Variants in ANTXR1 observed in about 807,000 individuals in gnomAD.
The protein encoded by ANTXR1 is ANTXR cell adhesion molecule 1.
In ANTXR1, 19 loss-of-function variants were observed where a neutral mutation model predicts 78.1. That is an observed-to-expected ratio of 0.24 (90% CI 0.17 to 0.36). ANTXR1 has a LOEUF of 0.36. ANTXR1 is among the 10% of genes least tolerant of loss of function. The pLI is 1.00. For missense variants in ANTXR1, 518 were observed against 718.6 expected (o/e 0.72, Z 3.19); for synonymous variants, 273 against 260.5 (o/e 1.05, Z -0.46).
intron 13 of ANTXR1, among the ~76,000 whole-genome samples, chr2:69,169,210 G>A (rs903180495): frequency 4.6e-5 from 7 of 152,228 alleles, no homozygotes; most frequent in Admixed American, 1.3e-4. Flanking sequence ...GGCTGTGCCC[G>A]AGCACCCAAC....
Position 69,116,316 on chromosome 2 carries a change from C to T in ANTXR1, c.803-6701C>T, listed in dbSNP as rs149449409. ...TCAGTCATCTCCATTCTCTTTGGAG[C>T]TCCAGAAAGCTCAGCCCGGATTCTT... On this transcript the variant is annotated intron_variant, in intron 10 of 17. Transcript: ENST00000303714. 7.3e-3 allele frequency among the ~76,000 whole-genome samples: 1,118 copies of T among 152,332 alleles called. 14 individuals are homozygous for T. Among genetic ancestry groups the T allele is most frequent in the African/African-American group, 0.026 (1,082 of 41,566 alleles).
At chr2:69,175,120 A>G (rs7568236) in intron 14 of ANTXR1, among the ~76,000 whole-genome samples, 9,190 of 152,232 alleles carry the variant, frequency 0.06, 923 homozygotes, top group African/African-American at 0.21. Context: ...TGGCAGTGTC[A>G]CCTGTCTCTG....
chr2:69,098,828 A>G (rs1040910516), intron 9 of ANTXR1, among the ~76,000 whole-genome samples: 4 of 152,168 alleles, frequency 2.6e-5, no homozygotes, highest in African/African-American at 9.7e-5. Context: ...TCTACTAAAA[A>G]TACAAAAATT....
chr2:69,185,369 GTC>G lies in ANTXR1; in HGVS notation c.1353+2713_1353+2714del, dbSNP rs559047836. Among the ~76,000 whole-genome samples, 467 of 152,038 alleles carry G rather than the reference GTC, an allele frequency of 3.1e-3. 9 individuals are homozygous for G. Among genetic ancestry groups the G allele is most frequent in the East Asian group, 0.013 (66 of 5,158 alleles). On this transcript the variant is annotated intron_variant, in intron 16 of 17. Transcript: ENST00000303714. ...GCCCCGGCCAACATGGTGAAACCCT[GTC>G]TCTACTAAAAATACAAAAATTAGCT...
chr2:69,108,463 C>A lies in ANTXR1; in HGVS notation c.802+5523C>A, dbSNP rs57424977. On this transcript the variant is annotated intron_variant, in intron 10 of 17. Transcript: ENST00000303714. Reference sequence around the variant, plus strand: ...AAAATATAGCAACAACAAATAAATTCTTTTATTTAACTTTCATTTTAAGTT... The same window carrying A: ...AAAATATAGCAACAACAAATAAATTATTTTATTTAACTTTCATTTTAAGTT... Among the ~76,000 whole-genome samples the A allele has an allele frequency of 1.8e-3, 273 of 152,258 alleles. 10 individuals are homozygous for A. In the East Asian group the frequency reaches 0.041, roughly 23 times the overall value.
chr2:69,075,596 A>T lies in ANTXR1; in HGVS notation c.499A>T (p.Arg167Trp), dbSNP rs1231697409. The T allele has an allele frequency of 6.2e-7, 1 of 1,613,942 alleles. No homozygotes were observed. Among genetic ancestry groups the T allele is most frequent in the Non-Finnish European group, 8.5e-7 (1 of 1,179,956 alleles). ...CTTTCTTTCCTTTTCCCAGGCTAAT[A>T]GGTCTCGAGATCTTGGTGCAATTGT... is the stretch of plus-strand genomic sequence containing the variant. ...LFFYSEREANRSRDLGAIVYC... is the reference protein window; with the variant it reads ...LFFYSEREANWSRDLGAIVYC... The change falls in exon 7 of 18, where the codon AGG becomes TGG. Residue 167 changes from arginine (R) to tryptophan (W), a missense_variant. Coordinates refer to ENST00000303714, the MANE Select transcript of ANTXR1 (RefSeq NM_032208.3).
chr2:69,028,366 G>C (rs564110303), intron 1 of ANTXR1, among the ~76,000 whole-genome samples: 25 of 152,210 alleles, frequency 1.6e-4, no homozygotes, highest in African/African-American at 5.8e-4. Context: ...TACCTGCGAA[G>C]GCTCTGAACA....
chr2:69,171,411 A>G (rs1293656241), intron 14 of ANTXR1, among the ~76,000 whole-genome samples: 2 of 152,260 alleles, frequency 1.3e-5, no homozygotes, highest in Non-Finnish European at 2.9e-5. Context: ...TTAATCCTTC[A>G]AGAGAAAGTA....
intron 17 of ANTXR1, among the ~76,000 whole-genome samples, chr2:69,216,973 C>T (rs761202955): frequency 6.6e-6 from 1 of 152,204 alleles, no homozygotes; most frequent in East Asian, 1.9e-4. Flanking sequence ...CACATCTTTC[C>T]ATCTTTCCCC....
intron 13 of ANTXR1, among the ~76,000 whole-genome samples, chr2:69,168,247 T>C (rs7582833): frequency 0.69 from 104,408 of 152,168 alleles, 37,989 homozygotes; most frequent in East Asian, 0.92. Context: ...AAGGAGAGTA[T>C]TAATAGCATG....
At chr2:69,093,530 C>T (rs982590961) in intron 9 of ANTXR1, among the ~76,000 whole-genome samples, 3 of 152,020 alleles carry the variant, frequency 2.0e-5, no homozygotes, top group Non-Finnish European at 4.4e-5. Context: ...AGGATCTGAT[C>T]ATATCAAATT....
chr2:69,115,221 C>T (rs531505378), intron 10 of ANTXR1, among the ~76,000 whole-genome samples: 1 of 152,334 alleles, frequency 6.6e-6, no homozygotes, highest in South Asian at 2.1e-4. Flanking sequence ...CATTTGAGAA[C>T]ACTGCACTAT....
intron 13 of ANTXR1, among the ~76,000 whole-genome samples, chr2:69,168,085 G>A (rs910317250): frequency 6.6e-6 from 1 of 152,180 alleles, no homozygotes. Context: ...CTTGGCCACT[G>A]TCAGAACACC....
At chr2:69,138,946 T>A (rs1483439742) in intron 12 of ANTXR1, among the ~76,000 whole-genome samples, 2 of 152,218 alleles carry the variant, frequency 1.3e-5, no homozygotes, top group Non-Finnish European at 2.9e-5. Flanking sequence ...CTCAAGATTC[T>A]TGAGATTGTA....
intron 12 of ANTXR1, among the ~76,000 whole-genome samples, chr2:69,129,239 T>C (rs1255676424): frequency 4.6e-5 from 7 of 152,208 alleles, no homozygotes; most frequent in Admixed American, 2.0e-4. Context: ...TGAAAAGAGA[T>C]TTGTCCTTTT....
At chr2:69,044,899 C>T in intron 3 of ANTXR1, 86 bp downstream of exon 3, 2 of 1,320,742 alleles carry the variant, frequency 1.5e-6, no homozygotes, top group Non-Finnish European at 2.2e-6. Context: ...CAGCCTTGAC[C>T]TGTTGATCAC....
chr2:69,173,986 T>C (rs1484855174), intron 14 of ANTXR1, among the ~76,000 whole-genome samples: 5 of 152,240 alleles, frequency 3.3e-5, no homozygotes, highest in African/African-American at 4.8e-5. Flanking sequence ...TTATTTGCAA[T>C]GAAAAACAAA....
chr2:69,136,035 A>C (rs1159643925), intron 12 of ANTXR1, among the ~76,000 whole-genome samples: 1 of 152,152 alleles, frequency 6.6e-6, no homozygotes, highest in Non-Finnish European at 1.5e-5. Flanking sequence ...TAACATCTCT[A>C]AAATTGATAT....
intron 3 of ANTXR1, among the ~76,000 whole-genome samples, chr2:69,061,222 A>G (rs984906661): frequency 6.6e-6 from 1 of 152,148 alleles, no homozygotes; most frequent in Non-Finnish European, 1.5e-5. Flanking sequence ...AGAGTTTGAA[A>G]ATTACCCCTT....
Sources: gnomAD v4.1 joint callset for allele counts (sites outside exome capture counted in the v4.1 genomes callset) on GRCh38, gnomAD v4.1.1 for gene constraint, MANE v1.5 for transcripts, NCBI Gene and HGNC (gene_info 2026-07-23, HGNC 2026-07-21) for gene names.